IRAK4: variants seen among roughly 807,000 people sequenced by gnomAD.
IRAK4 encodes interleukin 1 receptor associated kinase 4, also known as interleukin-1 receptor-associated kinase 4.
IRAK4 carries 44 observed loss-of-function variants against 51.8 expected under a neutral mutation model. The ratio of observed to expected loss-of-function variants is 0.85; its 90% CI spans 0.67 to 1.09. The LOEUF (loss-of-function observed/expected upper bound fraction) is 1.09, where lower values mean the gene tolerates loss of function less well. IRAK4 is among the 50% of genes least tolerant of loss of function. The pLI, the probability that IRAK4 is intolerant of heterozygous loss-of-function variation, is 0.00. For synonymous variants in IRAK4, 149 were observed against 174.1 expected (o/e 0.86, Z 1.13); for missense variants, 487 against 538.0 (o/e 0.91, Z 0.94).
intron 1 of IRAK4, among the ~76,000 whole-genome samples, chr12:43,762,290 A>G (rs1013527463): frequency 1.3e-5 from 2 of 152,172 alleles, no homozygotes; most frequent in Non-Finnish European, 2.9e-5. Context: ...CCCTACACTT[A>G]TCACCTCTGC....
intron 10 of IRAK4, among the ~76,000 whole-genome samples, chr12:43,785,693 A>T (rs928933256): frequency 6.6e-6 from 1 of 150,588 alleles, no homozygotes; most frequent in Non-Finnish European, 1.5e-5. Flanking sequence ...ACAGGAATAC[A>T]TTCCGAGAAA....
At chr12:43,766,741 G>A (rs755138124) in intron 1 of IRAK4, among the ~76,000 whole-genome samples, 4 of 152,138 alleles carry the variant, frequency 2.6e-5, no homozygotes, top group Non-Finnish European at 4.4e-5. Context: ...TGATAAAACT[G>A]TACTGGGAAA....
chr12:43,766,697 G>T (rs1432108834), intron 1 of IRAK4, among the ~76,000 whole-genome samples: 1 of 152,074 alleles, frequency 6.6e-6, no homozygotes, highest in East Asian at 1.9e-4. Context: ...TGTAAGTCCT[G>T]GATCTCTCAC....
At chr12:43,768,615 T>C in intron 2 of IRAK4, 1 of 191,744 alleles carries the variant, frequency 5.2e-6, no homozygotes, top group Non-Finnish European at 1.1e-5. Flanking sequence ...GTTACAAGAA[T>C]GTCTGGTAAA....
At chr12:43,779,317 G>A (rs1941572961) in intron 8 of IRAK4, among the ~76,000 whole-genome samples, 1 of 152,070 alleles carries the variant, frequency 6.6e-6, no homozygotes, top group Non-Finnish European at 1.5e-5. Flanking sequence ...ATAGGGTGGT[G>A]GATTGGAGAT....
At chr12:43,771,111 C>T (rs1940712019) in intron 2 of IRAK4, 109 bp from the exon 3 acceptor site, 3 of 1,013,910 alleles carry the variant, frequency 3.0e-6, no homozygotes, top group South Asian at 1.4e-5. Flanking sequence ...AACCGTGAGC[C>T]AAATTAACTA....
chr12:43,782,254 C>CT, intron 8 of IRAK4, 53 bp from the exon 9 acceptor site: 2 of 1,308,938 alleles, frequency 1.5e-6, no homozygotes, highest in Non-Finnish European at 2.2e-6. Context: ...AACTGTTTGA[C>CT]TTTTTTGGGG....
intron 3 of IRAK4, 84 bp from the exon 4 acceptor site, chr12:43,772,096 T>G: frequency 9.4e-7 from 1 of 1,068,520 alleles, no homozygotes; most frequent in Non-Finnish European, 1.4e-6. Context: ...GGAATGATAT[T>G]AAATGAACCA....
In IRAK4 at chr12:43,786,734, T is replaced by A; in HGVS notation, c.*19T>A. 1 of 1,604,334 alleles carries A rather than the reference T, an allele frequency of 6.2e-7. No individual in the cohort carries two copies. Among genetic ancestry groups the A allele is most frequent in the Non-Finnish European group, 8.5e-7 (1 of 1,171,444 alleles). ...TTCTTAAAACTTTATTGGAAAAGAC[T>A]CTTGACTTTTTATATACACCTATCT... On this transcript the variant is annotated 3_prime_UTR_variant, in exon 12 of 12. Coordinates refer to ENST00000613694, the MANE Select transcript of IRAK4 (RefSeq NM_016123.4).
chr12:43,777,116 T>C (rs1220257313), intron 6 of IRAK4, among the ~76,000 whole-genome samples: 3 of 152,216 alleles, frequency 2.0e-5, no homozygotes, highest in Non-Finnish European at 4.4e-5. Flanking sequence ...TTTGGCCAGC[T>C]GTAGTGGCTC....
chr12:43,778,646 T>A (rs1941508850), intron 8 of IRAK4, among the ~76,000 whole-genome samples: 1 of 152,194 alleles, frequency 6.6e-6, no homozygotes, highest in Non-Finnish European at 1.5e-5. Context: ...TTTTCAGTTC[T>A]CTTTCTTTCT....
intron 2 of IRAK4, chr12:43,770,898 G>A: frequency 2.0e-6 from 1 of 499,122 alleles, no homozygotes; most frequent in South Asian, 1.9e-5. Flanking sequence ...CATGGCAGGA[G>A]TGGGTTAGTT....
At chr12:43,782,161 C>T (rs1265340589) in intron 8 of IRAK4, 146 bp from the exon 9 acceptor site, 19 of 639,430 alleles carry the variant, frequency 3.0e-5, no homozygotes, top group African/African-American at 1.1e-4. Flanking sequence ...TACTATAAAA[C>T]GTTACACTCT....
chr12:43,784,321 A>T (rs1015209468), intron 10 of IRAK4, among the ~76,000 whole-genome samples: 1 of 152,180 alleles, frequency 6.6e-6, no homozygotes, highest in Non-Finnish European at 1.5e-5. Context: ...CAGGCAATCT[A>T]CTTTGCAGCG....
chr12:43,772,252 T>A lies in IRAK4; in HGVS notation c.380T>A (p.Phe127Tyr), dbSNP rs1214107426. The A allele has an allele frequency of 6.2e-7, 1 of 1,613,900 alleles. No individual in the cohort carries two copies. Among genetic ancestry groups the A allele is most frequent in the Admixed American group, 1.7e-5 (1 of 60,028 alleles). Residue 127 changes from phenylalanine to tyrosine, a missense_variant, in exon 4 of 12, where the codon TTC (phenylalanine) becomes TAC (tyrosine). Phe to Tyr is a conservative substitution (Grantham distance 22). Coordinates refer to ENST00000613694, the MANE Select transcript of IRAK4 (RefSeq NM_016123.4). ...AITVQQKQMPFCDKDRTLMTP... is the reference protein window; with the variant it reads ...AITVQQKQMPYCDKDRTLMTP... ...ACAGTTCAGCAAAAACAGATGCCTTTCTGTGACAAAGACAGGACATTGATG... is the reference window on the plus strand; with the variant it reads ...ACAGTTCAGCAAAAACAGATGCCTTACTGTGACAAAGACAGGACATTGATG...
chr12:43,778,091 A>C, intron 7 of IRAK4, 102 bp from the exon 8 acceptor site: 1 of 735,414 alleles, frequency 1.4e-6, no homozygotes, highest in South Asian at 1.6e-5. Flanking sequence ...ATGCTATAAC[A>C]TCATCTTCAG....
chr12:43,774,448 C>T (rs1468890643), intron 6 of IRAK4, among the ~76,000 whole-genome samples: 2 of 152,028 alleles, frequency 1.3e-5, no homozygotes, highest in Non-Finnish European at 2.9e-5. Context: ...GGGGTTTCAC[C>T]GTGTTAGCCA....
At chr12:43,759,639 C>A in intron 1 of IRAK4, 1 of 152,872 alleles carries the variant, frequency 6.5e-6, no homozygotes, top group Non-Finnish European at 1.5e-5. Flanking sequence ...GAGGCCCAGG[C>A]GGGCGGATCG....
chr12:43,780,490 A>G (rs1381487112), intron 8 of IRAK4, among the ~76,000 whole-genome samples: 1 of 152,096 alleles, frequency 6.6e-6, no homozygotes, highest in Non-Finnish European at 1.5e-5. Context: ...CCTAGATGAG[A>G]AAAGAAACGC....
Sources: gnomAD v4.1 joint callset for allele counts (sites outside exome capture counted in the v4.1 genomes callset) on GRCh38, gnomAD v4.1.1 for gene constraint, MANE v1.5 for transcripts, NCBI Gene and HGNC (gene_info 2026-07-23, HGNC 2026-07-21) for gene names.